TNIK: variants seen among roughly 807,000 people sequenced by gnomAD.
The protein encoded by TNIK is TRAF2 and NCK interacting kinase.
TNIK carries 49 observed loss-of-function variants against 191.3 expected under a neutral mutation model. That is an observed-to-expected ratio of 0.26 (90% confidence interval 0.20 to 0.32). The LOEUF is 0.32. TNIK is among the 10% of genes least tolerant of loss of function. TNIK has a pLI of 1.00. For missense variants in TNIK, 1,155 were observed against 1,702.3 expected, an observed-to-expected ratio of 0.68 and a Z score of 5.66; for synonymous variants, 594 against 600.9, an observed-to-expected ratio of 0.99 and a Z score of 0.17.
intron 3 of TNIK, among the ~76,000 whole-genome samples, chr3:171,223,445 G>A (rs1742603319): frequency 6.6e-6 from 1 of 152,070 alleles, no homozygotes; most frequent in African/African-American, 2.4e-5. Context: ...TTTAGTAAAT[G>A]TTTGTTGAAT....
intron 1 of TNIK, among the ~76,000 whole-genome samples, chr3:171,391,350 A>T (rs1237985383): frequency 6.6e-6 from 1 of 152,236 alleles, no homozygotes; most frequent in East Asian, 1.9e-4. Flanking sequence ...GGCAACTGAC[A>T]AACATCAGAT....
intron 2 of TNIK, among the ~76,000 whole-genome samples, chr3:171,298,615 G>T (rs917017464): frequency 6.6e-6 from 1 of 152,178 alleles, no homozygotes; most frequent in Non-Finnish European, 1.5e-5. Flanking sequence ...GGGGACATGA[G>T]TTGCAGATGT....
At chr3:171,139,374 GCGCGCACACA>G in intron 14 of TNIK, 86 bp downstream of exon 14, 1 of 567,410 alleles carries the variant, frequency 1.8e-6, no homozygotes, top group Non-Finnish European at 2.8e-6. Context: ...ACACACGCAC[GCGCGCACACA>G]CACACACACA....
chr3:171,428,899 C>T (rs1724993647), intron 1 of TNIK, among the ~76,000 whole-genome samples: 4 of 152,230 alleles, frequency 2.6e-5, no homozygotes, highest in African/African-American at 9.6e-5. Context: ...GAATTCTGTC[C>T]CTTGTCCCCC....
chr3:171,358,619 G>A (rs947771654), intron 2 of TNIK, among the ~76,000 whole-genome samples: 2 of 152,134 alleles, frequency 1.3e-5, no homozygotes, highest in Non-Finnish European at 2.9e-5. Flanking sequence ...AAATGCTTGC[G>A]TATTTTTTGT....
intron 29 of TNIK, 27 bp from the exon 30 acceptor site, chr3:171,069,024 G>C (rs751529627): frequency 1.3e-6 from 2 of 1,593,954 alleles, no homozygotes; most frequent in Non-Finnish European, 1.7e-6. Context: ...ATTAGTATCC[G>C]CATCACTCAA....
intron 23 of TNIK, among the ~76,000 whole-genome samples, chr3:171,092,312 G>A (rs2108410784): frequency 6.6e-6 from 1 of 152,230 alleles, no homozygotes; most frequent in East Asian, 1.9e-4. Flanking sequence ...AAATAACATG[G>A]AGCCATTTGG....
intron 2 of TNIK, among the ~76,000 whole-genome samples, chr3:171,281,186 CA>C (rs5854413): frequency 0.26 from 37,958 of 146,128 alleles, 4,872 homozygotes; most frequent in South Asian, 0.29. Flanking sequence ...TCTTTGGCCT[CA>C]AAAAAAAAAA....
intron 3 of TNIK, among the ~76,000 whole-genome samples, chr3:171,224,762 G>A (rs139130893): frequency 6.6e-5 from 10 of 152,192 alleles, no homozygotes; most frequent in Middle Eastern, 3.4e-3. Context: ...AATCTAGAGC[G>A]CAAAAATCCA....
chr3:171,234,338 G>A (rs1342082509), intron 2 of TNIK, among the ~76,000 whole-genome samples: 1 of 152,194 alleles, frequency 6.6e-6, no homozygotes, highest in African/African-American at 2.4e-5. Flanking sequence ...GCCTACATGT[G>A]CCATTCGTTG....
chr3:171,101,743 TAGAACTGTGACAAACATA>T, intron 21 of TNIK, 110 bp from the exon 22 acceptor site: 1 of 1,067,684 alleles, frequency 9.4e-7, no homozygotes, highest in Non-Finnish European at 1.3e-6. Context: ...AAGCTCTATA[TAGAACTGTGACAAACATA>T]GTTACTGCAT....
Position 171,101,528 on chromosome 3 carries a change from T to C in TNIK, c.2512A>G (p.Ser838Gly). 1 of 1,613,610 alleles carries C rather than the reference T, an allele frequency of 6.2e-7. No homozygotes were observed. The highest frequency in any genetic ancestry group is 8.5e-7 in the Non-Finnish European group (1 of 1,179,622). ...DYSSSSEESE[S>G]SEEEEEDGES... ...CCATCTTCCTCCTCTTCCTCGCTACTTTCTGACTCCTCACTGGAGGAGGAG... is the reference window on the plus strand; with the variant it reads ...CCATCTTCCTCCTCTTCCTCGCTACCTTCTGACTCCTCACTGGAGGAGGAG... Residue 838 changes from serine to glycine, a missense_variant, in exon 22 of 33, where the codon AGT (serine) becomes GGT (glycine). Ser to Gly is a moderately conservative substitution (Grantham distance 56). Around this residue, in one of 3 missense-constraint regions of TNIK, gnomAD observed 735 missense variants for 848.0 expected, o/e 0.87. Transcript: ENST00000436636.
chr3:171,271,369 AC>A (rs147776595), intron 2 of TNIK, among the ~76,000 whole-genome samples: 5,311 of 152,272 alleles, frequency 0.035, 124 homozygotes, highest in Middle Eastern at 0.065. Context: ...TGGTACCGAG[AC>A]TCATTTACAA....
chr3:171,127,871 C>T (rs1728698421), intron 16 of TNIK, among the ~76,000 whole-genome samples: 1 of 152,092 alleles, frequency 6.6e-6, no homozygotes, highest in African/African-American at 2.4e-5. Context: ...TAAAATATTT[C>T]GTGGAAGTCT....
chr3:171,393,284 C>T (rs1320264027), intron 1 of TNIK, among the ~76,000 whole-genome samples: 1 of 152,174 alleles, frequency 6.6e-6, no homozygotes, highest in Non-Finnish European at 1.5e-5. Flanking sequence ...CCCAGCTGCC[C>T]TTGTCTCTTA....
At chr3:171,158,807 G>A (rs1460790218) in intron 11 of TNIK, among the ~76,000 whole-genome samples, 1 of 152,174 alleles carries the variant, frequency 6.6e-6, no homozygotes, top group Non-Finnish European at 1.5e-5. Context: ...TAAGCTTTGA[G>A]GCCTTACTTT....
At chr3:171,459,913 T>TGC in intron 1 of TNIK, 94 bp downstream of exon 1, 3 of 1,311,250 alleles carry the variant, frequency 2.3e-6, no homozygotes, top group Non-Finnish European at 1.1e-6. Flanking sequence ...CCCGCTGCTG[T>TGC]CCCCCTGCCC....
At chr3:171,273,329 T>C (rs1344745970) in intron 2 of TNIK, among the ~76,000 whole-genome samples, 1 of 152,132 alleles carries the variant, frequency 6.6e-6, no homozygotes, top group Non-Finnish European at 1.5e-5. Context: ...GTTCTGGGCT[T>C]TACTGTAGTG....
At chr3:171,337,435 G>A (rs1214325894) in intron 2 of TNIK, among the ~76,000 whole-genome samples, 1 of 152,208 alleles carries the variant, frequency 6.6e-6, no homozygotes, top group Non-Finnish European at 1.5e-5. Flanking sequence ...GTTGAATAAA[G>A]AAACAGTAAT....
Sources: gnomAD v4.1 joint callset for allele counts (sites outside exome capture counted in the v4.1 genomes callset) on GRCh38, gnomAD v4.1.1 for gene constraint, gnomAD v4.1.1 regional missense constraint, MANE v1.5 for transcripts, NCBI Gene and HGNC (gene_info 2026-07-23, HGNC 2026-07-21) for gene names.